The following HIBCH variants were observed in gnomAD, a reference collection of about 807,000 sequenced individuals.
The protein encoded by HIBCH is 3-hydroxyisobutyryl-CoA hydrolase, mitochondrial.
In HIBCH, 50 loss-of-function variants were observed where a neutral mutation model predicts 58.2. The ratio of observed to expected loss-of-function variants is 0.86; its 90% confidence interval spans 0.68 to 1.09. The LOEUF is 1.09. Ranked by LOEUF, HIBCH falls within the 50% of genes least tolerant of loss-of-function variation. The pLI is 0.00. For synonymous variants in HIBCH, 151 were observed against 146.9 expected (o/e 1.03, Z -0.20); for missense variants, 450 against 449.7 (o/e 1.00, Z -0.01).
At chr2:190,201,465 T>C (rs187478757), downstream of HIBCH, 6 of 167,140 alleles carry the variant, frequency 3.6e-5, no homozygotes, top group Admixed American at 2.0e-4. Flanking sequence ...CTGTGTATGT[T>C]AGATCCACAA....
In HIBCH at chr2:190,197,959, T is replaced by C. The variant is rs762545792; in HGVS notation, c.*17+7141A>G. On this transcript the variant is annotated intron_variant, in intron 1 of 1. Coordinates refer to the HIBCH transcript ENST00000399855. The surrounding 1 kb of genome is among the most constrained non-coding windows in gnomAD (Gnocchi z 4.0). ...TAACCATGTCCAATTCCCTTAACCATCCCTCACAGTAAAAACTAGACACTA... is the reference window on the plus strand; with the variant it reads ...TAACCATGTCCAATTCCCTTAACCACCCCTCACAGTAAAAACTAGACACTA... Among the ~76,000 whole-genome samples the C allele has an allele frequency of 2.6e-5, 4 of 152,164 alleles. No homozygotes were observed. The highest frequency in any genetic ancestry group is 6.5e-5 in the Admixed American group (1 of 15,276).
In HIBCH at chr2:190,236,071, AAAGGT is replaced by A. The variant is rs1686264545; in HGVS notation, c.891+8811_891+8815del. 6.6e-6 allele frequency among the ~76,000 whole-genome samples: 1 copy of A among 152,176 alleles called. No individual in the cohort carries two copies. Among genetic ancestry groups the A allele is most frequent in the Non-Finnish European group, 1.5e-5 (1 of 68,034 alleles). ...GTGCTAGATATCACTCAATAAAGCAAAAGGTAAGAGGTTGAGAGAAAAAGACGTAA... is the reference window on the plus strand; with the variant it reads ...GTGCTAGATATCACTCAATAAAGCAAAAGAGGTTGAGAGAAAAAGACGTAA... On this transcript the variant is annotated intron_variant, in intron 11 of 13. Coordinates refer to ENST00000359678, the MANE Select transcript of HIBCH (RefSeq NM_014362.4). This position sits in a 1 kb window ranked among gnomAD's most constrained non-coding sequence, Gnocchi z 4.1.
chr2:190,199,712 GA>G, downstream of HIBCH: 1 of 1,467,034 alleles, frequency 6.8e-7, no homozygotes, highest in Non-Finnish European at 9.0e-7. Context: ...CACTACACGT[GA>G]AGAGTGGTGA....
chr2:190,265,063 C>T (rs541427123), intron 6 of HIBCH, among the ~76,000 whole-genome samples: 13 of 132,386 alleles, frequency 9.8e-5, no homozygotes, highest in African/African-American at 3.6e-4. Flanking sequence ...GTGGAGGTTG[C>T]AGTGAGTCAA....
At chr2:190,229,817 ACTAT>A (rs1686038610) in intron 11 of HIBCH, among the ~76,000 whole-genome samples, 1 of 151,842 alleles carries the variant, frequency 6.6e-6, no homozygotes, top group South Asian at 2.1e-4. Flanking sequence ...AAGAGACACT[ACTAT>A]TAGAAGCATC....
downstream of HIBCH, among the ~76,000 whole-genome samples, chr2:190,199,037 C>T (rs7597985): frequency 2.6e-5 from 4 of 151,964 alleles, no homozygotes; most frequent in Non-Finnish European, 4.4e-5. Context: ...ATTGTTTAGA[C>T]GTGGCACTAG....
Position 190,288,151 on chromosome 2 carries a change from C to T in HIBCH, c.386-513G>A, listed in dbSNP as rs1486494536. Among the ~76,000 whole-genome samples the T allele has an allele frequency of 1.3e-4, 7 of 52,814 alleles. No homozygotes were observed. In the East Asian group the frequency reaches 3.7e-3, roughly 28 times the overall value. 34.6% of individuals were successfully genotyped at this position (52,814 alleles called of 152,430 possible). On this transcript the variant is annotated intron_variant, in intron 5 of 13. Transcript: ENST00000359678. ...TCCAGCCTGGGCAACAGACCAAGAC[C>T]CTATCTTTTTTTTTTTTTTTTTTAA...
chr2:190,252,190 A>C lies in HIBCH; in HGVS notation c.635T>G (p.Ile212Ser). 1 of 1,613,990 alleles carries C rather than the reference A, an allele frequency of 6.2e-7. No individual in the cohort carries two copies. Among genetic ancestry groups the C allele is most frequent in the South Asian group, 1.1e-5 (1 of 91,076 alleles). The change falls in exon 8 of 14, where the codon ATT (isoleucine) becomes AGT (serine). Residue 212 changes from isoleucine to serine, a missense_variant. By Grantham distance (142) the Ile-to-Ser change is moderately radical. Coordinates refer to ENST00000359678, the MANE Select transcript of HIBCH (RefSeq NM_014362.4). Reference protein sequence around the residue: ...LKGRDVYRAGIATHFVDSEKL... With the variant: ...LKGRDVYRAGSATHFVDSEKL... Reference sequence around the variant, plus strand: ...TTCAGAATCTACAAAGTGTGTAGCAATTCCTGCTCTGTACACATCTCTTCC... The same window carrying C: ...TTCAGAATCTACAAAGTGTGTAGCACTTCCTGCTCTGTACACATCTCTTCC...
At chr2:190,303,439 C>T (rs1162430010) in intron 2 of HIBCH, among the ~76,000 whole-genome samples, 3 of 131,758 alleles carry the variant, frequency 2.3e-5, no homozygotes, top group Non-Finnish European at 3.3e-5. Context: ...AGGAAATGTT[C>T]AAAAAAAAAA....
At chr2:190,300,336 G>T (rs1688227994) in intron 2 of HIBCH, among the ~76,000 whole-genome samples, 1 of 151,540 alleles carries the variant, frequency 6.6e-6, no homozygotes. Context: ...GTTATTTTTT[G>T]ACTTTTTAAC....
Position 190,207,885 on chromosome 2 carries a change from A to T in HIBCH, c.1045+995T>A, listed in dbSNP as rs564091608. Reference sequence around the variant, plus strand: ...GACAGTGTGAGACCCTGTCTCCAAAAAAAATAAAATAAAATAAAAAAAACA... The same window carrying T: ...GACAGTGTGAGACCCTGTCTCCAAATAAAATAAAATAAAATAAAAAAAACA... On this transcript the variant is annotated intron_variant, in intron 13 of 13. Coordinates refer to ENST00000359678, the MANE Select transcript of HIBCH (RefSeq NM_014362.4). The surrounding 1 kb of genome is among the most constrained non-coding windows in gnomAD (Gnocchi z 4.5). 2.9e-3 allele frequency among the ~76,000 whole-genome samples: 434 copies of T among 151,694 alleles called. No homozygotes were observed. The highest frequency in any genetic ancestry group is 9.8e-3 in the African/African-American group (403 of 41,242).
chr2:190,238,833 C>T (rs1477758610), intron 11 of HIBCH, among the ~76,000 whole-genome samples: 2 of 152,002 alleles, frequency 1.3e-5, no homozygotes, highest in African/African-American at 4.8e-5. Flanking sequence ...GTTTTTTTCT[C>T]GTAAATTTAA....
chr2:190,265,586 T>C (rs955671109), intron 6 of HIBCH, among the ~76,000 whole-genome samples: 1 of 152,214 alleles, frequency 6.6e-6, no homozygotes, highest in African/African-American at 2.4e-5. Context: ...CAAGGATGTC[T>C]TGGAATGAAC....
chr2:190,245,968 G>T (rs531423298), intron 10 of HIBCH, among the ~76,000 whole-genome samples, 186 bp downstream of exon 10: 4 of 149,296 alleles, frequency 2.7e-5, no homozygotes, highest in African/African-American at 9.9e-5. Flanking sequence ...CCAGCCTGGG[G>T]GATAGAGCGA....
intron 11 of HIBCH, among the ~76,000 whole-genome samples, chr2:190,228,302 C>T (rs1685976596): frequency 6.7e-6 from 1 of 149,782 alleles, no homozygotes. Flanking sequence ...ATCGCAAGGA[C>T]AGAAAACCAA....
intron 1 of HIBCH, among the ~76,000 whole-genome samples, chr2:190,311,678 C>A (rs1251193489): frequency 6.6e-6 from 1 of 152,074 alleles, no homozygotes; most frequent in Non-Finnish European, 1.5e-5. Context: ...ACATTATTTA[C>A]AGGATGGAAA....
chr2:190,271,818 G>A (rs1363637796), intron 6 of HIBCH, among the ~76,000 whole-genome samples: 1 of 152,086 alleles, frequency 6.6e-6, no homozygotes, highest in Non-Finnish European at 1.5e-5. Flanking sequence ...GAGCTGATCT[G>A]GCTTCTTGCT....
Position 190,206,220 on chromosome 2 carries a change from G to A in HIBCH, c.1046-988C>T, listed in dbSNP as rs1015947212. On this transcript the variant is annotated intron_variant, in intron 13 of 13. Transcript: ENST00000359678. The surrounding 1 kb of genome is among the most constrained non-coding windows in gnomAD (Gnocchi z 5.1). Reference sequence around the variant, plus strand: ...TTTACATACAATTAAATGCAGATACGGGAGGTTTGTTTTTAAGATTTAACT... The same window carrying A: ...TTTACATACAATTAAATGCAGATACAGGAGGTTTGTTTTTAAGATTTAACT... Among the ~76,000 whole-genome samples the A allele has an allele frequency of 7.2e-5, 11 of 152,120 alleles. No individual in the cohort carries two copies. Among genetic ancestry groups the A allele is most frequent in the African/African-American group, 2.4e-4 (10 of 41,422 alleles).
chr2:190,239,648 T>TTA (rs1686391742), intron 11 of HIBCH, among the ~76,000 whole-genome samples: 1 of 63,376 alleles, frequency 1.6e-5, no homozygotes, highest in Non-Finnish European at 2.8e-5. Context: ...TGGTTTGTAG[T>TTA]TTTTTTTTTT....
Sources: gnomAD v4.1 joint callset for allele counts (sites outside exome capture counted in the v4.1 genomes callset) on GRCh38, gnomAD v4.1.1 for gene constraint, Gnocchi (gnomAD v3.1) non-coding constraint, MANE v1.5 for transcripts, NCBI Gene and HGNC (gene_info 2026-07-23, HGNC 2026-07-21) for gene names.